Variants in KCNH5 observed in about 807,000 individuals in gnomAD.
KCNH5 encodes potassium voltage-gated channel subfamily H member 5.
In KCNH5, 46 loss-of-function variants were observed where a neutral mutation model predicts 96.1. The ratio of observed to expected loss-of-function variants is 0.48; its 90% confidence interval spans 0.38 to 0.61. The LOEUF (loss-of-function observed/expected upper bound fraction) is 0.61. Among genes scored for constraint, KCNH5 ranks in the 20% least tolerant of loss-of-function variants. The probability of loss-of-function intolerance (pLI) is 0.00; values close to 1 mark genes in which losing one functional copy is unlikely to be tolerated. For missense variants in KCNH5, 907 were observed against 1,225.8 expected, an observed-to-expected ratio of 0.74 and a Z score of 3.88; for synonymous variants, 439 against 449.8, an observed-to-expected ratio of 0.98 and a Z score of 0.30.
At position 62,960,440 on chromosome 14, in the gene KCNH5, C is replaced by A. The variant is rs144398176; in HGVS notation, c.943-9881G>T. 3.3e-3 allele frequency among the ~76,000 whole-genome samples: 506 copies of A among 152,180 alleles called. 1 individual carries two copies. The highest frequency in any genetic ancestry group is 0.011 in the African/African-American group (467 of 41,516). ...AACATTAATTAAAGAATAACCTAACCAATATATAAATCTCTCATAATAATT... is the reference window on the plus strand; with the variant it reads ...AACATTAATTAAAGAATAACCTAACAAATATATAAATCTCTCATAATAATT... On this transcript the variant is annotated intron_variant, in intron 6 of 10. Transcript: ENST00000322893.
In KCNH5 at chr14:62,818,238, CACAGAGA is replaced by C. The variant is rs548972866; in HGVS notation, c.1570-15664_1570-15658del. Among the ~76,000 whole-genome samples the C allele has an allele frequency of 3.9e-3, 588 of 151,700 alleles. 7 individuals are homozygous for C. Among genetic ancestry groups the C allele is most frequent in the African/African-American group, 0.013 (557 of 41,336 alleles). On this transcript the variant is annotated intron_variant, in intron 8 of 10. Coordinates refer to ENST00000322893, the MANE Select transcript of KCNH5 (RefSeq NM_139318.5). Reference sequence around the variant, plus strand: ...AATTAATAATAACTGTCACGACACACACAGAGAACAAAGGTAACTGTGTGAGATGATA... The same window carrying C: ...AATTAATAATAACTGTCACGACACACACAAAGGTAACTGTGTGAGATGATA...
At chr14:62,977,378 CAATAAT>C (rs977426633) in intron 6 of KCNH5, among the ~76,000 whole-genome samples, 3 of 151,488 alleles carry the variant, frequency 2.0e-5, no homozygotes, top group Non-Finnish European at 2.9e-5. Context: ...ATAATAATAA[CAATAAT>C]AATAATATCA....
intron 10 of KCNH5, among the ~76,000 whole-genome samples, chr14:62,773,412 T>C (rs542195912): frequency 3.9e-5 from 6 of 152,342 alleles, no homozygotes; most frequent in African/African-American, 1.4e-4. Context: ...TTATGCCGCC[T>C]GTGTACTGAG....
intron 8 of KCNH5, among the ~76,000 whole-genome samples, chr14:62,845,541 G>C (rs1351045351): frequency 1.3e-5 from 2 of 152,164 alleles, no homozygotes; most frequent in African/African-American, 4.8e-5. Flanking sequence ...CTATACAGGG[G>C]ACAAAGGTGG....
intron 6 of KCNH5, among the ~76,000 whole-genome samples, chr14:62,967,871 CCT>C (rs950072451): frequency 1.3e-5 from 2 of 152,078 alleles, no homozygotes; most frequent in East Asian, 1.9e-4. Flanking sequence ...AGAATCATCC[CCT>C]GATGCTTAAC....
At chr14:62,917,352 A>C (rs1889294873) in intron 7 of KCNH5, among the ~76,000 whole-genome samples, 1 of 141,712 alleles carries the variant, frequency 7.1e-6, no homozygotes, top group South Asian at 2.2e-4. Flanking sequence ...ATGGTTTGTT[A>C]GGTTTTTTTT....
chr14:62,737,784 G>A (rs1465039785), intron 10 of KCNH5, among the ~76,000 whole-genome samples: 2 of 152,000 alleles, frequency 1.3e-5, no homozygotes, highest in African/African-American at 4.8e-5. Context: ...AAAAACAGAA[G>A]CTATGAAATG....
intron 8 of KCNH5, among the ~76,000 whole-genome samples, chr14:62,840,717 G>A (rs1313356206): frequency 6.6e-6 from 1 of 151,110 alleles, no homozygotes; most frequent in African/African-American, 2.4e-5. Flanking sequence ...TTACAAGTAC[G>A]CGCCACCACA....
intron 6 of KCNH5, among the ~76,000 whole-genome samples, chr14:62,963,893 C>T (rs1890258297): frequency 6.6e-6 from 1 of 151,992 alleles, no homozygotes; most frequent in Non-Finnish European, 1.5e-5. Context: ...ATCTACAAAC[C>T]CTAAGAAAAT....
At chr14:63,032,878 C>G (rs764053539) in intron 1 of KCNH5, among the ~76,000 whole-genome samples, 22 of 152,164 alleles carry the variant, frequency 1.4e-4, no homozygotes, top group Non-Finnish European at 2.6e-4. Context: ...GAGTTTCATT[C>G]CAAGCGTGGC....
intron 10 of KCNH5, among the ~76,000 whole-genome samples, chr14:62,757,374 C>G (rs1481204833): frequency 6.6e-6 from 1 of 152,108 alleles, no homozygotes; most frequent in Non-Finnish European, 1.5e-5. Context: ...CTATGGAGAA[C>G]AGTTTGGAGG....
chr14:62,841,879 G>A (rs952901633), intron 8 of KCNH5, among the ~76,000 whole-genome samples: 2 of 152,226 alleles, frequency 1.3e-5, no homozygotes, highest in Admixed American at 6.5e-5. Flanking sequence ...GTAGGGTACT[G>A]AGCAAGTTAT....
chr14:62,820,214 C>G (rs1160930757), intron 8 of KCNH5, among the ~76,000 whole-genome samples: 1 of 151,870 alleles, frequency 6.6e-6, no homozygotes, highest in Non-Finnish European at 1.5e-5. Flanking sequence ...TTTACATAGG[C>G]CAAAGCAAAG....
intron 7 of KCNH5, among the ~76,000 whole-genome samples, chr14:62,868,705 G>C (rs182723122): frequency 6.6e-6 from 1 of 152,082 alleles, no homozygotes; most frequent in Non-Finnish European, 1.5e-5. Context: ...CCCGCTGACA[G>C]GCCCTGGTGT....
intron 7 of KCNH5, among the ~76,000 whole-genome samples, chr14:62,937,356 T>G (rs1201487510): frequency 6.6e-6 from 1 of 152,190 alleles, no homozygotes. Flanking sequence ...GCAGCTGGAT[T>G]GGTATTTGTA....
Position 62,805,655 on chromosome 14 carries a change from C to G in KCNH5, c.1570-3074G>C, listed in dbSNP as rs578114029. Among the ~76,000 whole-genome samples the G allele has an allele frequency of 2.0e-5, 3 of 152,272 alleles. No individual in the cohort carries two copies. The East Asian group carries it at 5.8e-4, about 29-fold the overall frequency. ...AGACCTGGCCCACTGGTCTCACTTT[C>G]CATGTATTCTGCCTTGAATATCAGA... is the stretch of plus-strand genomic sequence containing the variant. On this transcript the variant is annotated intron_variant, in intron 8 of 10. Transcript: ENST00000322893.
chr14:62,908,895 C>G (rs1889087622), intron 7 of KCNH5, among the ~76,000 whole-genome samples: 1 of 139,734 alleles, frequency 7.2e-6, no homozygotes, highest in African/African-American at 2.7e-5. Flanking sequence ...TGGGGGTGGT[C>G]TGGGGGATGC....
intron 7 of KCNH5, among the ~76,000 whole-genome samples, chr14:62,863,611 C>T (rs1200443649): frequency 6.6e-6 from 1 of 151,960 alleles, no homozygotes; most frequent in Non-Finnish European, 1.5e-5. Context: ...AATGGGTTTA[C>T]CATTTAGTGC....
At chr14:62,904,795 C>T (rs544647840) in intron 7 of KCNH5, among the ~76,000 whole-genome samples, 3 of 152,268 alleles carry the variant, frequency 2.0e-5, no homozygotes, top group South Asian at 2.1e-4. Flanking sequence ...CATTTTCCCC[C>T]ATGACAAGCC....
Sources: allele counts gnomAD v4.1 joint callset (sites outside exome capture counted in the v4.1 genomes callset), GRCh38; gene constraint gnomAD v4.1.1; transcripts MANE v1.5; gene names NCBI Gene and HGNC (gene_info 2026-07-23, HGNC 2026-07-21).